ADGRA2: variants seen among roughly 807,000 people sequenced by gnomAD.
The protein encoded by ADGRA2 is adhesion G protein-coupled receptor A2.
A neutral mutation model predicts 98.7 loss-of-function variants in ADGRA2; 61 were observed. The ratio of observed to expected loss-of-function variants is 0.62; its 90% CI spans 0.50 to 0.76. The LOEUF is 0.76. ADGRA2 is among the 30% of genes least tolerant of loss of function. The pLI, the probability that ADGRA2 is intolerant of heterozygous loss-of-function variation, is 0.00. For synonymous variants in ADGRA2, 858 were observed against 831.5 expected (o/e 1.03, Z -0.55); for missense variants, 1,712 against 1,860.0 (o/e 0.92, Z 1.46).
Position 37,844,856 on chromosome 8 carries a change from A to G in ADGRA2, c.*2501A>G. 6.2e-7 allele frequency: 1 copy of G among 1,614,156 alleles called. No homozygotes were observed. The highest frequency in any genetic ancestry group is 1.7e-5 in the Admixed American group (1 of 60,020). On this transcript the variant is annotated 3_prime_UTR_variant, in exon 19 of 19. Transcript: ENST00000412232. ...GTGACTGGCGGTGCTGGAGAAGGTC[A>G]CCGATGTGCTTCACCACAGACCGTT...
Position 37,833,203 on chromosome 8 carries a change from G to T in ADGRA2, c.1291G>T (p.Val431Leu), listed in dbSNP as rs117702342. 1 of 1,609,654 alleles carries T rather than the reference G, an allele frequency of 6.2e-7. No homozygotes were observed. Among genetic ancestry groups the T allele is most frequent in the Non-Finnish European group, 8.5e-7 (1 of 1,178,182 alleles). ...CATCACCAGGGTGCTGTACACCTTC[G>T]TGCTGGTGAGGAGAGGCTAGGGCAC... ...NDITRVLYTF[V>L]LMPINASNAL... The change falls in exon 9 of 19, where the codon GTG (valine) becomes TTG (leucine). Residue 431 changes from valine to leucine, a missense_variant. By Grantham distance (32) the Val-to-Leu change is conservative. Transcript: ENST00000412232.
At chr8:37,804,100 G>GAGACACACACACACACACACACACAC (rs1310425865) in intron 1 of ADGRA2, among the ~76,000 whole-genome samples, 1 of 107,104 alleles carries the variant, frequency 9.3e-6, no homozygotes, top group African/African-American at 3.7e-5. Flanking sequence ...CCCACGGTGA[G>GAGACACACACACACACACACACACAC]ACACACACAC....
chr8:37,836,475 C>T (rs570447708), intron 13 of ADGRA2, among the ~76,000 whole-genome samples: 108 of 152,276 alleles, frequency 7.1e-4, no homozygotes, highest in African/African-American at 2.5e-3. Flanking sequence ...GTGTCTGACT[C>T]GCCACCCACC....
At position 37,844,387 on chromosome 8, in the gene ADGRA2, A is replaced by G; in HGVS notation, c.*2032A>G. 1 of 1,486,180 alleles carries G rather than the reference A, an allele frequency of 6.7e-7. No individual in the cohort carries two copies. Among genetic ancestry groups the G allele is most frequent in the Non-Finnish European group, 9.1e-7 (1 of 1,099,244 alleles). 92.1% of individuals were successfully genotyped at this position (1,486,180 alleles called of 1,614,324 possible). ...GAGCCCCTCTTGGTTCCTTCAAACA[A>G]GAAAAGCAATACCTACGGACTGGTG... On this transcript the variant is annotated 3_prime_UTR_variant, in exon 19 of 19. Transcript: ENST00000412232.
chr8:37,801,491 C>T (rs984968399), intron 1 of ADGRA2, among the ~76,000 whole-genome samples: 5 of 152,150 alleles, frequency 3.3e-5, no homozygotes, highest in African/African-American at 1.2e-4. Flanking sequence ...CAGCTGAGGG[C>T]TGAGGTTCTC....
Position 37,797,602 on chromosome 8 carries a change from G to A in ADGRA2, c.266+68G>A, listed in dbSNP as rs1804371319. On this transcript the variant is annotated intron_variant, in intron 1 of 18. Transcript: ENST00000412232. This position sits in a 1 kb window ranked among gnomAD's most constrained non-coding sequence, Gnocchi z 5.3. Reference sequence around the variant, plus strand: ...GGACGAAGGGAGGCGAGACGGGAGGGGTGGGAGCAGGGGGAAGGGGGCTAT... The same window carrying A: ...GGACGAAGGGAGGCGAGACGGGAGGAGTGGGAGCAGGGGGAAGGGGGCTAT... The A allele has an allele frequency of 1.2e-5, 15 of 1,260,908 alleles. No homozygotes were observed. Among genetic ancestry groups the A allele is most frequent in the South Asian group, 2.8e-5 (1 of 35,566 alleles). The allele number at this position is 1,260,908 out of a possible 1,614,324, so 78.1% of individuals were successfully genotyped here.
chr8:37,798,945 A>G (rs1479587832), intron 1 of ADGRA2, among the ~76,000 whole-genome samples: 1 of 152,224 alleles, frequency 6.6e-6, no homozygotes, highest in Non-Finnish European at 1.5e-5. Flanking sequence ...TGTTCAGGGC[A>G]GCTCTCTCTG....
chr8:37,838,067 C>T, intron 14 of ADGRA2, 128 bp downstream of exon 14: 1 of 792,006 alleles, frequency 1.3e-6, no homozygotes, highest in Non-Finnish European at 1.9e-6. Context: ...CTAATTGGGC[C>T]CCATGAGTGG....
At chr8:37,806,116 C>T (rs1368986965) in intron 1 of ADGRA2, among the ~76,000 whole-genome samples, 2 of 152,252 alleles carry the variant, frequency 1.3e-5, no homozygotes, top group South Asian at 4.1e-4. Flanking sequence ...AATTTCCCAG[C>T]CTCCACAAAT....
rs754021456 is a variant in ADGRA2, at chr8:37,841,648, G to C, written c.3310G>C (p.Glu1104Gln). 6.5e-7 allele frequency: 1 copy of C among 1,527,212 alleles called. No individual in the cohort carries two copies. Among genetic ancestry groups the C allele is most frequent in the Non-Finnish European group, 8.8e-7 (1 of 1,137,660 alleles). 94.6% of individuals were successfully genotyped at this position (1,527,212 alleles called of 1,614,324 possible). ...GCCCCGGGCCCTGCCCGCCGCCGCA[G>C]AGGACGGTTCCCCGGTGTTCGGGGA... ...APPRALPAAAEDGSPVFGEGP... is the reference protein window; with the variant it reads ...APPRALPAAAQDGSPVFGEGP... The change falls in exon 19 of 19, where the codon GAG becomes CAG. Residue 1104 changes from glutamate (E) to glutamine (Q), a missense_variant. By Grantham distance (29) the Glu-to-Gln change is conservative. Transcript: ENST00000412232. This position sits in a 1 kb window ranked among gnomAD's most constrained non-coding sequence, Gnocchi z 5.0.
rs981785399 is a variant in ADGRA2, at chr8:37,835,846, C to T, written c.2050+76C>T. ...CCTGTTCCCCTTTATCCTGCCCTTCCCTGGCCCACAGCCCCCCAGTGCCGT... is the reference window on the plus strand; with the variant it reads ...CCTGTTCCCCTTTATCCTGCCCTTCTCTGGCCCACAGCCCCCCAGTGCCGT... On this transcript the variant is annotated intron_variant, in intron 13 of 18. Transcript: ENST00000412232. 1.4e-5 allele frequency: 13 copies of T among 908,966 alleles called. No individual in the cohort carries two copies. In the Admixed American group the frequency reaches 2.0e-4, roughly 14 times the overall value. 56.3% of individuals were successfully genotyped at this position (908,966 alleles called of 1,614,324 possible).
chr8:37,842,320 A>G lies in ADGRA2; in HGVS notation c.3982A>G (p.Lys1328Glu), dbSNP rs1209621785. ...GAEVASGGCM[K>E]TGLWKSETTV ...GGAGGTAGCCAGCGGCGGCTGCATG[A>G]AGACCGGACTCTGGAAGAGCGAAAC... is the stretch of plus-strand genomic sequence containing the variant. The change falls in exon 19 of 19, where the codon AAG (lysine) becomes GAG (glutamate). Residue 1328 changes from lysine to glutamate, a missense_variant. Transcript: ENST00000412232. 2 of 1,529,632 alleles carry G rather than the reference A, an allele frequency of 1.3e-6. No homozygotes were observed. The highest frequency in any genetic ancestry group is 1.7e-6 in the Non-Finnish European group (2 of 1,142,998). The allele number at this position is 1,529,632 out of a possible 1,614,324, so 94.8% of individuals were successfully genotyped here.
At chr8:37,811,123 A>AAC (rs1804816797) in intron 1 of ADGRA2, among the ~76,000 whole-genome samples, 1 of 144,066 alleles carries the variant, frequency 6.9e-6, no homozygotes, top group East Asian at 2.0e-4. Context: ...CAAAAACAAA[A>AAC]AAAAAAAAAA....
rs1164848741 is a variant in ADGRA2 at position 37,833,124 on chromosome 8, C to T, written c.1212C>T (p.Asp404=). The T allele has an allele frequency of 2.5e-6, 4 of 1,613,056 alleles. No individual in the cohort carries two copies. Among genetic ancestry groups the T allele is most frequent in the Non-Finnish European group, 3.4e-6 (4 of 1,179,804 alleles). Residue 404 remains aspartate (D), a synonymous_variant, in exon 9 of 19, where the codon GAC becomes GAT. Transcript: ENST00000412232. ...GCACCCGAGCCTCCCGCCGGTGTGA[C>T]CGTGCCGGCCGCTGGGAGCCAGGGG... is the stretch of plus-strand genomic sequence containing the variant. ...APGTRASRRC[D]RAGRWEPGDY... is the part of the protein sequence containing the mutation.
chr8:37,801,359 G>C (rs1804497746), intron 1 of ADGRA2, among the ~76,000 whole-genome samples: 1 of 152,210 alleles, frequency 6.6e-6, no homozygotes, highest in African/African-American at 2.4e-5. Context: ...TGAACAGAGA[G>C]AGCAGGAGCC....
chr8:37,834,805 T>A lies in ADGRA2; in HGVS notation c.1609-369T>A, dbSNP rs539125225. ...TACTCGGGAGGCCAAGGTGGGAGGA[T>A]CACTTGAGGCCTGGAATTTGAGACT... On this transcript the variant is annotated intron_variant, in intron 11 of 18. Coordinates refer to ENST00000412232, the MANE Select transcript of ADGRA2 (RefSeq NM_032777.10). This position sits in a 1 kb window ranked among gnomAD's most constrained non-coding sequence, Gnocchi z 4.2. Among the ~76,000 whole-genome samples, 2 of 152,000 alleles carry A rather than the reference T, an allele frequency of 1.3e-5. No homozygotes were observed. The highest frequency in any genetic ancestry group is 3.9e-4 in the East Asian group (2 of 5,132).
chr8:37,809,757 C>T (rs73594905), intron 1 of ADGRA2, among the ~76,000 whole-genome samples: 3 of 152,142 alleles, frequency 2.0e-5, no homozygotes, highest in South Asian at 2.1e-4. Context: ...AGCTGCCCCC[C>T]ACTCAACTCA....
chr8:37,837,050 G>A (rs147929419), intron 13 of ADGRA2, among the ~76,000 whole-genome samples: 2 of 152,338 alleles, frequency 1.3e-5, no homozygotes, highest in East Asian at 1.9e-4. Flanking sequence ...AGTGCAGCTC[G>A]TTGTAAGTGA....
intron 1 of ADGRA2, among the ~76,000 whole-genome samples, chr8:37,805,049 C>G (rs1804621583): frequency 6.6e-6 from 1 of 152,204 alleles, no homozygotes. Context: ...AAGGCTGTAC[C>G]GTGGAGCCCG....
Sources: gnomAD v4.1 joint callset for allele counts (sites outside exome capture counted in the v4.1 genomes callset) on GRCh38, gnomAD v4.1.1 for gene constraint, Gnocchi (gnomAD v3.1) non-coding constraint, MANE v1.5 for transcripts, NCBI Gene and HGNC (gene_info 2026-07-23, HGNC 2026-07-21) for gene names.